Variants in HDAC4 observed in about 807,000 individuals in gnomAD.
HDAC4 encodes histone deacetylase A.
Under a neutral mutation model 135.1 loss-of-function variants are expected in HDAC4, and 16 were observed. That is an observed-to-expected ratio of 0.12 (90% CI 0.08 to 0.18). The LOEUF is 0.18. HDAC4 is among the 10% of genes least tolerant of loss of function. The pLI, the probability that HDAC4 is intolerant of heterozygous loss-of-function variation, is 1.00. For synonymous variants in HDAC4, 685 were observed against 653.4 expected, an observed-to-expected ratio of 1.05 and a Z score of -0.74; for missense variants, 1,143 against 1,511.8, an observed-to-expected ratio of 0.76 and a Z score of 4.05.
intron 9 of HDAC4, among the ~76,000 whole-genome samples, chr2:239,137,372 C>T (rs543804297): frequency 1.2e-4 from 19 of 152,340 alleles, no homozygotes; most frequent in African/African-American, 3.4e-4. Context: ...TGTCCCCTTA[C>T]GCACCTGGGC....
In HDAC4 at chr2:239,400,977, C is replaced by G. The variant is rs1696954190; in HGVS notation, c.-220+1G>C. The stretch of plus-strand genomic sequence containing the variant: ...TCCTCATTCACAAAAAATTGACCCA[C>G]GTTGAACCATGATGCTTCTCCCCAC... On this transcript the variant is annotated splice_donor_variant, in intron 1 of 26. Coordinates refer to ENST00000543185, the MANE Select transcript of HDAC4 (RefSeq NM_001378414.1). LOFTEE classifies it low-confidence loss of function (5UTR_SPLICE). This position sits in a 1 kb window ranked among gnomAD's most constrained non-coding sequence, Gnocchi z 4.7. 1 of 152,628 alleles carries G rather than the reference C, an allele frequency of 6.6e-6. No homozygotes were observed. Among genetic ancestry groups the G allele is most frequent in the Non-Finnish European group, 1.5e-5 (1 of 67,922 alleles). The allele number at this position is 152,628 out of a possible 1,614,324, so 9.5% of individuals were successfully genotyped here. A position where few individuals can be genotyped will look rare whatever the true frequency, so the allele number is the denominator to read the frequency against.
At chr2:239,223,793 A>C (rs2047095175) in intron 3 of HDAC4, among the ~76,000 whole-genome samples, 1 of 152,032 alleles carries the variant, frequency 6.6e-6, no homozygotes, top group African/African-American at 2.4e-5. Context: ...TCTTGCCAGC[A>C]GGAACACTTT....
Position 239,285,828 on chromosome 2 carries a change from C to A in HDAC4, c.23-49164G>T, listed in dbSNP as rs189374058. 5.2e-3 allele frequency among the ~76,000 whole-genome samples: 784 copies of A among 152,176 alleles called. 10 individuals are homozygous for A. The highest frequency in any genetic ancestry group is 0.018 in the African/African-American group (741 of 41,516). ...GCATGGGGGTCAGGACCGAGGTGAG[C>A]CCAGAGCTGCAGCGTTCAGGATGCA... On this transcript the variant is annotated intron_variant, in intron 2 of 26. Coordinates refer to ENST00000543185, the MANE Select transcript of HDAC4 (RefSeq NM_001378414.1). The surrounding 1 kb of genome is among the most constrained non-coding windows in gnomAD (Gnocchi z 4.5).
chr2:239,295,103 C>T (rs374477906), intron 2 of HDAC4, among the ~76,000 whole-genome samples: 202 of 151,764 alleles, frequency 1.3e-3, no homozygotes, highest in African/African-American at 4.8e-3. Flanking sequence ...GTCAGGAGAT[C>T]GAGACCATCC....
At chr2:239,185,395 C>T (rs993614076) in intron 4 of HDAC4, among the ~76,000 whole-genome samples, 40 of 150,554 alleles carry the variant, frequency 2.7e-4, no homozygotes, top group African/African-American at 9.3e-4. Flanking sequence ...GTGCCCCACG[C>T]CTCCTGGGGA....
chr2:239,365,313 T>C (rs908425792), intron 1 of HDAC4, among the ~76,000 whole-genome samples: 1 of 152,252 alleles, frequency 6.6e-6, no homozygotes, highest in Admixed American at 6.5e-5. Context: ...AGTTTCATAA[T>C]GGACTCTACA....
chr2:239,293,849 G>A (rs1337614686), intron 2 of HDAC4, among the ~76,000 whole-genome samples: 2 of 152,246 alleles, frequency 1.3e-5, no homozygotes, highest in African/African-American at 4.8e-5. Flanking sequence ...CTGACGGCGA[G>A]AACGCCAGCC....
rs1181771361 is a variant in HDAC4, at chr2:239,307,743, C to T, written c.22+44935G>A. Among the ~76,000 whole-genome samples, 1 of 152,172 alleles carries T rather than the reference C, an allele frequency of 6.6e-6. No individual in the cohort carries two copies. Among genetic ancestry groups the T allele is most frequent in the Non-Finnish European group, 1.5e-5 (1 of 68,040 alleles). Reference sequence around the variant, plus strand: ...CTGCTGGGATGATTTTCTTCAAGTTCTCTTTTAGAACAAGCAAAATGGAAT... The same window carrying T: ...CTGCTGGGATGATTTTCTTCAAGTTTTCTTTTAGAACAAGCAAAATGGAAT... On this transcript the variant is annotated intron_variant, in intron 2 of 26. Coordinates refer to ENST00000543185, the MANE Select transcript of HDAC4 (RefSeq NM_001378414.1). The surrounding 1 kb of genome is among the most constrained non-coding windows in gnomAD (Gnocchi z 4.8).
upstream of HDAC4, chr2:239,401,620 C>A: frequency 4.0e-6 from 1 of 250,570 alleles, no homozygotes; most frequent in East Asian, 1.7e-4. Context: ...CCGGCCAGGC[C>A]TCGCCGCGGC....
chr2:239,371,109 C>T (rs1694579175), intron 1 of HDAC4, among the ~76,000 whole-genome samples: 1 of 152,206 alleles, frequency 6.6e-6, no homozygotes. Flanking sequence ...GGACAGAGTC[C>T]ACCTTTGTCC....
chr2:239,054,881 C>A (rs763237796), intron 24 of HDAC4, 48 bp from the exon 25 acceptor site: 1 of 1,268,940 alleles, frequency 7.9e-7, no homozygotes. Context: ...ATAATCCACA[C>A]GTGCGTTAGA....
intron 3 of HDAC4, among the ~76,000 whole-genome samples, chr2:239,226,797 G>A (rs981816547): frequency 7.9e-5 from 12 of 152,240 alleles, no homozygotes; most frequent in African/African-American, 2.4e-4. Context: ...GCAGGCTCAC[G>A]GGTGGGGCTG....
Position 239,230,618 on chromosome 2 carries a change from G to A in HDAC4, c.94+5975C>T, listed in dbSNP as rs150799020. Among the ~76,000 whole-genome samples, 428 of 152,286 alleles carry A rather than the reference G, an allele frequency of 2.8e-3. 1 individual carries two copies. The highest frequency in any genetic ancestry group is 4.9e-3 in the Non-Finnish European group (335 of 68,022). On this transcript the variant is annotated intron_variant, in intron 3 of 26. Coordinates refer to ENST00000543185, the MANE Select transcript of HDAC4 (RefSeq NM_001378414.1). Reference sequence around the variant, plus strand: ...CCCAGTCCTTCCGTGGGGGCCACTCGAGGAACCACCAGAGATGGCCGTGGG... The same window carrying A: ...CCCAGTCCTTCCGTGGGGGCCACTCAAGGAACCACCAGAGATGGCCGTGGG...
intron 18 of HDAC4, among the ~76,000 whole-genome samples, 169 bp from the exon 19 acceptor site, chr2:239,087,783 C>T (rs758935420): frequency 6.6e-6 from 1 of 152,210 alleles, no homozygotes; most frequent in Non-Finnish European, 1.5e-5. Context: ...CAGCTGGGAG[C>T]CTTTCCGGGA....
At position 239,139,580 on chromosome 2, in the gene HDAC4, G is replaced by C; in HGVS notation, c.978+104C>G. ...GGCCACTTTCCCTCACCCCAAATTG[G>C]AAGGTGAAGAGTGAAGGGCAAGTGC... is the stretch of plus-strand genomic sequence containing the variant. On this transcript the variant is annotated intron_variant, in intron 9 of 26. Coordinates refer to ENST00000543185, the MANE Select transcript of HDAC4 (RefSeq NM_001378414.1). This position sits in a 1 kb window ranked among gnomAD's most constrained non-coding sequence, Gnocchi z 5.3. 1 of 1,048,670 alleles carries C rather than the reference G, an allele frequency of 9.5e-7. No individual in the cohort carries two copies. The highest frequency in any genetic ancestry group is 1.5e-6 in the Non-Finnish European group (1 of 666,044). 65.0% of individuals were successfully genotyped at this position (1,048,670 alleles called of 1,614,324 possible).
At chr2:239,084,756 A>T (rs2035737588) in intron 19 of HDAC4, among the ~76,000 whole-genome samples, 1 of 133,498 alleles carries the variant, frequency 7.5e-6, no homozygotes, top group African/African-American at 2.9e-5. Context: ...TACACCACAG[A>T]CACACACCCC....
chr2:239,213,686 A>T (rs185433227), intron 3 of HDAC4, among the ~76,000 whole-genome samples: 4 of 152,312 alleles, frequency 2.6e-5, no homozygotes, highest in Admixed American at 2.6e-4. Context: ...CCCAGGAGAA[A>T]AACCAAGGGG....
intron 5 of HDAC4, among the ~76,000 whole-genome samples, chr2:239,173,094 C>T (rs2043554887): frequency 6.6e-6 from 1 of 151,982 alleles, no homozygotes; most frequent in Non-Finnish European, 1.5e-5. Flanking sequence ...AAGTAATATC[C>T]ATGTTAAATA....
chr2:239,275,044 G>A (rs78122244), intron 2 of HDAC4, among the ~76,000 whole-genome samples: 3,208 of 152,346 alleles, frequency 0.021, 108 homozygotes, highest in African/African-American at 0.073. Context: ...CCAGAGCTGC[G>A]AATATGTGCC....
Sources: allele counts gnomAD v4.1 joint callset (sites outside exome capture counted in the v4.1 genomes callset), GRCh38; gene constraint gnomAD v4.1.1; non-coding constraint Gnocchi (gnomAD v3.1); transcripts MANE v1.5; gene names NCBI Gene and HGNC (gene_info 2026-07-23, HGNC 2026-07-21).